Variants in ESRRG observed in about 807,000 individuals in gnomAD.
ESRRG encodes the protein estrogen-related receptor gamma.
A neutral mutation model predicts 44.0 loss-of-function variants in ESRRG; 13 were observed. That is an observed-to-expected ratio of 0.30 (90% CI 0.19 to 0.47). ESRRG has a LOEUF of 0.47. ESRRG is among the 20% of genes least tolerant of loss of function. ESRRG has a pLI of 1.00. For synonymous variants in ESRRG, 215 were observed against 214.6 expected (o/e 1.00, Z -0.02); for missense variants, 395 against 580.6 (o/e 0.68, Z 3.29).
At chr1:217,012,430 A>G (rs1235762049) in intron 1 of ESRRG, among the ~76,000 whole-genome samples, 1 of 152,194 alleles carries the variant, frequency 6.6e-6, no homozygotes, top group Non-Finnish European at 1.5e-5. Flanking sequence ...CCCACCTGTT[A>G]TCTTGGAAAC....
In ESRRG at chr1:217,134,844, G is replaced by A. The variant is rs114097781; in HGVS notation, c.-230+2823C>T. Among the ~76,000 whole-genome samples, 335 of 152,350 alleles carry A rather than the reference G, an allele frequency of 2.2e-3. 1 individual carries two copies. Among genetic ancestry groups the A allele is most frequent in the African/African-American group, 7.7e-3 (319 of 41,578 alleles). On this transcript the variant is annotated intron_variant, in intron 1 of 8. Coordinates refer to the ESRRG transcript ENST00000366940. ...CTGGCATTTAGAAAAAGAGGACAAG[G>A]TCAAGGCCTGTGGACCGACCGCCGC...
At chr1:216,675,403 T>C (rs2075923844) in intron 2 of ESRRG, among the ~76,000 whole-genome samples, 1 of 152,112 alleles carries the variant, frequency 6.6e-6, no homozygotes. Flanking sequence ...GACTGCTCTA[T>C]GTACACATAA....
At chr1:217,108,026 C>T (rs951306739) in intron 1 of ESRRG, among the ~76,000 whole-genome samples, 1 of 151,896 alleles carries the variant, frequency 6.6e-6, no homozygotes, top group African/African-American at 2.4e-5. Context: ...AAAAACAGTG[C>T]CTCCCCATAA....
intron 2 of ESRRG, among the ~76,000 whole-genome samples, chr1:216,853,190 T>C (rs1297993225): frequency 1.3e-5 from 2 of 152,176 alleles, no homozygotes; most frequent in Non-Finnish European, 2.9e-5. Flanking sequence ...TTGTACACTC[T>C]GTAGAGCAGT....
intron 3 of ESRRG, among the ~76,000 whole-genome samples, chr1:216,586,464 C>A (rs1296296335): frequency 6.6e-6 from 1 of 151,876 alleles, no homozygotes; most frequent in Non-Finnish European, 1.5e-5. Flanking sequence ...GAGGAATGGG[C>A]TAATTATTTC....
intron 3 of ESRRG, among the ~76,000 whole-genome samples, 159 bp from the exon 4 acceptor site, chr1:216,568,257 C>A (rs921746509): frequency 3.3e-5 from 5 of 152,180 alleles, no homozygotes; most frequent in Non-Finnish European, 7.3e-5. Context: ...GTGGCTAAAT[C>A]AAACTTGCCA....
At chr1:216,644,642 G>T (rs891444975) in intron 3 of ESRRG, among the ~76,000 whole-genome samples, 5 of 151,232 alleles carry the variant, frequency 3.3e-5, no homozygotes, top group African/African-American at 1.2e-4. Flanking sequence ...TCATCACGTT[G>T]CCCAGGCTGG....
At chr1:217,135,972 A>G (rs940846035) in intron 1 of ESRRG, among the ~76,000 whole-genome samples, 1 of 150,790 alleles carries the variant, frequency 6.6e-6, no homozygotes, top group African/African-American at 2.4e-5. Context: ...AGTAGTTGTG[A>G]GGGGATAGAT....
intron 2 of ESRRG, among the ~76,000 whole-genome samples, chr1:216,746,389 T>A (rs1470311642): frequency 1.3e-5 from 2 of 152,166 alleles, no homozygotes; most frequent in East Asian, 1.9e-4. Context: ...TATTCATATT[T>A]ACAGGCAAAA....
chr1:216,800,389 G>A (rs1377039911), intron 2 of ESRRG, among the ~76,000 whole-genome samples: 10 of 152,144 alleles, frequency 6.6e-5, no homozygotes, highest in Non-Finnish European at 1.5e-4. Context: ...ACAGAAAAGG[G>A]AGGGAAGTGG....
At chr1:216,575,668 G>C (rs1437328430) in intron 3 of ESRRG, among the ~76,000 whole-genome samples, 1 of 152,056 alleles carries the variant, frequency 6.6e-6, no homozygotes, top group African/African-American at 2.4e-5. Flanking sequence ...GAGTGGAAGT[G>C]GGGAGAATGG....
intron 3 of ESRRG, among the ~76,000 whole-genome samples, chr1:216,585,894 G>A (rs1304900729): frequency 1.3e-5 from 2 of 151,990 alleles, no homozygotes; most frequent in African/African-American, 4.8e-5. Flanking sequence ...CAAAAAATTA[G>A]CCAGGCGTGG....
chr1:216,776,105 T>C (rs562892786), intron 2 of ESRRG, among the ~76,000 whole-genome samples: 11 of 152,126 alleles, frequency 7.2e-5, no homozygotes, highest in Non-Finnish European at 1.2e-4. Context: ...CTGTTACTTT[T>C]AGATTAAGGG....
At chr1:216,857,512 C>T (rs1559887894) in intron 2 of ESRRG, among the ~76,000 whole-genome samples, 1 of 151,936 alleles carries the variant, frequency 6.6e-6, no homozygotes, top group Non-Finnish European at 1.5e-5. Flanking sequence ...ACGAAATGCA[C>T]CAATATCACC....
chr1:217,038,337 G>T (rs2151098013), intron 1 of ESRRG, among the ~76,000 whole-genome samples: 1 of 152,244 alleles, frequency 6.6e-6, no homozygotes, highest in Non-Finnish European at 1.5e-5. Context: ...CTCAATTCTT[G>T]ACTTTTGTGC....
chr1:217,016,296 T>C (rs575351813), intron 1 of ESRRG, among the ~76,000 whole-genome samples: 1 of 152,222 alleles, frequency 6.6e-6, no homozygotes, highest in Admixed American at 6.5e-5. Context: ...TTTTTAAGAT[T>C]GTATAATGGA....
chr1:216,648,516 T>C (rs566572674), intron 3 of ESRRG, among the ~76,000 whole-genome samples: 9 of 152,264 alleles, frequency 5.9e-5, no homozygotes, highest in African/African-American at 1.9e-4. Flanking sequence ...CCAACAATGT[T>C]TAATTAAACA....
intron 1 of ESRRG, among the ~76,000 whole-genome samples, chr1:217,069,567 C>T (rs1316329807): frequency 2.0e-5 from 3 of 152,104 alleles, no homozygotes; most frequent in Non-Finnish European, 4.4e-5. Context: ...TTTCATCTTC[C>T]TCTTTCCACT....
At chr1:216,668,058 T>C (rs1246582376) in intron 2 of ESRRG, among the ~76,000 whole-genome samples, 1 of 151,730 alleles carries the variant, frequency 6.6e-6, no homozygotes, top group Non-Finnish European at 1.5e-5. Context: ...GATCACACCA[T>C]TGCACTCCAG....
Sources: allele counts gnomAD v4.1 joint callset (sites outside exome capture counted in the v4.1 genomes callset), GRCh38; gene constraint gnomAD v4.1.1; transcripts MANE v1.5; gene names NCBI Gene and HGNC (gene_info 2026-07-23, HGNC 2026-07-21).